PNMA8B: variants seen among roughly 807,000 people sequenced by gnomAD.
PNMA8B encodes the protein PNMA family member 8B.
For missense variants in PNMA8B, 887 were observed against 885.8 expected (o/e 1.00, Z -0.02); for synonymous variants, 386 against 394.9 (o/e 0.98, Z 0.27).
At position 46,495,647 on chromosome 19, in the gene PNMA8B, G is replaced by T; in HGVS notation, c.-182C>A. 1.4e-6 allele frequency: 1 copy of T among 729,320 alleles called. No individual in the cohort carries two copies. The highest frequency in any genetic ancestry group is 2.1e-5 in the South Asian group (1 of 47,414). 45.2% of individuals were successfully genotyped at this position (729,320 alleles called of 1,614,324 possible). On this transcript the variant is annotated 5_prime_UTR_variant, in exon 1 of 1. Transcript: ENST00000599531. ...CGGGGGCTCTAGCTGCCTGCTGGCC[G>T]GCTGGACGCAGTGACCTTCCCCCGG... is the stretch of plus-strand genomic sequence containing the variant.
At position 46,495,595 on chromosome 19, in the gene PNMA8B, G is replaced by A; in HGVS notation, c.-130C>T. 7.9e-7 allele frequency: 1 copy of A among 1,270,232 alleles called. No homozygotes were observed. The allele number at this position is 1,270,232 out of a possible 1,614,324, so 78.7% of individuals were successfully genotyped here. A position where few individuals can be genotyped will look rare whatever the true frequency, so the allele number is the denominator to read the frequency against. ...TTAGAGTCCCGGTTCCGGTGAATGT[G>A]GCAAGGCTGGAGTGGGGCTCGGGGC... On this transcript the variant is annotated 5_prime_UTR_variant, in exon 1 of 1. Transcript: ENST00000599531.
In PNMA8B at chr19:46,494,014, C is replaced by G; in HGVS notation, c.1452G>C (p.Leu484=). The G allele has an allele frequency of 1.2e-6, 2 of 1,613,702 alleles. No homozygotes were observed. Among genetic ancestry groups the G allele is most frequent in the Non-Finnish European group, 1.7e-6 (2 of 1,179,860 alleles). ...CGGCCAGGAGCGCCAATACCTCCCC[C>G]AGTTTGCCTTTGGGGTATTTGTACT... The part of the protein sequence containing the change: ...GGKYKYPKGK[L]GEVLALLAAR... Residue 484 remains leucine, a synonymous_variant, in exon 1 of 1, where the codon CTG becomes CTC. Transcript: ENST00000599531.
chr19:46,493,928 TC>T lies in PNMA8B; in HGVS notation c.1537del (p.Glu513ArgfsTer33). ...CTCGCTCTCGGTGTCCTCCGACTCC[TC>T]CTCGGACTGTTCGTCCGAAGCCTCC... ...SEEASDEQSE[E>X]ESEDTESEAS... On this transcript the variant is annotated frameshift_variant, in exon 1 of 1. Transcript: ENST00000599531. LOFTEE classifies it low-confidence loss of function (END_TRUNC). The surrounding 1 kb of genome is among the most constrained non-coding windows in gnomAD (Gnocchi z 5.3). 6.2e-7 allele frequency: 1 copy of T among 1,606,122 alleles called. No homozygotes were observed. The highest frequency in any genetic ancestry group is 8.5e-7 in the Non-Finnish European group (1 of 1,176,576).
In PNMA8B at chr19:46,494,088, T is replaced by G; in HGVS notation, c.1378A>C (p.Met460Leu). 1 of 1,609,510 alleles carries G rather than the reference T, an allele frequency of 6.2e-7. No homozygotes were observed. Among genetic ancestry groups the G allele is most frequent in the Non-Finnish European group, 8.5e-7 (1 of 1,177,918 alleles). Residue 460 changes from methionine to leucine, a missense_variant, in exon 1 of 1, where the codon ATG (methionine) becomes CTG (leucine). Met to Leu is a conservative substitution (Grantham distance 15). Transcript: ENST00000599531. Reference protein sequence around the residue: ...ELVALLAAQDMAEVMKEEKEN... With the variant: ...ELVALLAAQDLAEVMKEEKEN... Reference sequence around the variant, plus strand: ...TTTTCCTCCTTCATCACCTCCGCCATGTCCTGGGCAGCCAGGAGCGCCACC... The same window carrying G: ...TTTTCCTCCTTCATCACCTCCGCCAGGTCCTGGGCAGCCAGGAGCGCCACC...
At position 46,493,579 on chromosome 19, in the gene PNMA8B, C is replaced by A. The variant is rs1218674074; in HGVS notation, c.1887G>T (p.Arg629Ser). ...GCCACTAGCGGCATTTAGGGGGCAG[C>A]CTCCGGCCCCGACGGGCCTTCTTCC... ...ARGKKARRGR[R>S]LPPKCR The change falls in exon 1 of 1, where the codon AGG becomes AGT. Residue 629 changes from arginine (R) to serine (S), a missense_variant. Arg to Ser is a moderately radical substitution (Grantham distance 110, BLOSUM62 -1). Transcript: ENST00000599531. The surrounding 1 kb of genome is among the most constrained non-coding windows in gnomAD (Gnocchi z 5.3). The A allele has an allele frequency of 2.8e-6, 4 of 1,453,716 alleles. No homozygotes were observed. The highest frequency in any genetic ancestry group is 3.0e-5 in the African/African-American group (2 of 67,506). 90.1% of individuals were successfully genotyped at this position (1,453,716 alleles called of 1,614,324 possible).
In PNMA8B at chr19:46,494,127, C is replaced by G. The variant is rs370754573; in HGVS notation, c.1339G>C (p.Gly447Arg). ...AGGAGCGCCACCAGCTCCAGAAGAC[C>G]CCCTTCGTCCTCACGGTGCTCGCTC... is the stretch of plus-strand genomic sequence containing the variant. Reference protein sequence around the residue: ...GWSEHREDEGGLLELVALLAA... With the variant: ...GWSEHREDEGRLLELVALLAA... Residue 447 changes from glycine to arginine, a missense_variant, in exon 1 of 1, where the codon GGT becomes CGT. Gly to Arg is a moderately radical substitution (Grantham distance 125, BLOSUM62 -2). Transcript: ENST00000599531. The G allele has an allele frequency of 5.4e-5, 87 of 1,611,556 alleles. No individual in the cohort carries two copies. The highest frequency in any genetic ancestry group is 7.1e-5 in the Non-Finnish European group (84 of 1,179,824).
In PNMA8B at chr19:46,494,211, C is replaced by T; in HGVS notation, c.1255G>A (p.Ala419Thr). Reference sequence around the variant, plus strand: ...GCCTGGGGAGGGAGATCCGGCTGCGCCAAGGTGGAAATGCACTCCCGGAGG... The same window carrying T: ...GCCTGGGGAGGGAGATCCGGCTGCGTCAAGGTGGAAATGCACTCCCGGAGG... ...GDLRECISTL[A>T]QPDLPPQAKK... The change falls in exon 1 of 1, where the codon GCG becomes ACG. Residue 419 changes from alanine (A) to threonine (T), a missense_variant. By Grantham distance (58) the Ala-to-Thr change is moderately conservative. Coordinates refer to ENST00000599531, the MANE Select transcript of PNMA8B (RefSeq NM_020709.3). 1.2e-6 allele frequency: 2 copies of T among 1,609,262 alleles called. No individual in the cohort carries two copies. The highest frequency in any genetic ancestry group is 8.5e-7 in the Non-Finnish European group (1 of 1,179,802).
At position 46,494,017 on chromosome 19, in the gene PNMA8B, T is replaced by G. The variant is rs1487090729; in HGVS notation, c.1449A>C (p.Lys483Asn). 1 of 1,613,254 alleles carries G rather than the reference T, an allele frequency of 6.2e-7. No homozygotes were observed. Among genetic ancestry groups the G allele is most frequent in the East Asian group, 2.2e-5 (1 of 44,848 alleles). Residue 483 changes from lysine (K) to asparagine (N), a missense_variant, in exon 1 of 1, where the codon AAA (lysine) becomes AAC (asparagine). Transcript: ENST00000599531. The part of the protein sequence containing the change: ...EGGKYKYPKG[K>N]LGEVLALLAA... ...CCAGGAGCGCCAATACCTCCCCCAG[T>G]TTGCCTTTGGGGTATTTGTACTTCC...
In PNMA8B at chr19:46,493,702, T is replaced by G; in HGVS notation, c.1764A>C (p.Ala588=). The G allele has an allele frequency of 1.3e-6, 2 of 1,535,172 alleles. No homozygotes were observed. The highest frequency in any genetic ancestry group is 1.4e-5 in the African/African-American group (1 of 70,642). Reference sequence around the variant, plus strand: ...CGCTCCCCTTCTTCTTCCTGCTTCCTGCGGCGTCGTCCTGGGCCGAGCCCC... The same window carrying G: ...CGCTCCCCTTCTTCTTCCTGCTTCCGGCGGCGTCGTCCTGGGCCGAGCCCC... ...GSRGSAQDDA[A]GSRKKKGSAG... The change falls in exon 1 of 1, where the codon GCA becomes GCC. Residue 588 remains alanine (A), a synonymous_variant. Transcript: ENST00000599531. This position sits in a 1 kb window ranked among gnomAD's most constrained non-coding sequence, Gnocchi z 5.3.
rs940193641 is a variant in PNMA8B, at chr19:46,494,224, G to A, written c.1242C>T (p.Cys414=). 1.2e-6 allele frequency: 2 copies of A among 1,609,150 alleles called. No homozygotes were observed. The highest frequency in any genetic ancestry group is 1.7e-5 in the Admixed American group (1 of 59,968). The change falls in exon 1 of 1, where the codon TGC becomes TGT. Residue 414 remains cysteine, a synonymous_variant. Coordinates refer to ENST00000599531, the MANE Select transcript of PNMA8B (RefSeq NM_020709.3). ...KAGDDGDLRE[C]ISTLAQPDLP... is the part of the protein sequence containing the mutation. ...GATCCGGCTGCGCCAAGGTGGAAATGCACTCCCGGAGGTCCCCGTCATCCC... is the reference window on the plus strand; with the variant it reads ...GATCCGGCTGCGCCAAGGTGGAAATACACTCCCGGAGGTCCCCGTCATCCC...
In PNMA8B at chr19:46,495,127, G is replaced by A. The variant is rs1471611523; in HGVS notation, c.339C>T (p.Asp113=). The A allele has an allele frequency of 5.0e-6, 8 of 1,613,758 alleles. No homozygotes were observed. Among genetic ancestry groups the A allele is most frequent in the Non-Finnish European group, 6.8e-6 (8 of 1,179,836 alleles). The stretch of plus-strand genomic sequence containing the variant: ...CAGCCTCCGCGGCCTGCGTGGGCCC[G>A]TCATCCAGCAGCAGGCGTCTCATCT... The part of the protein sequence containing the change: ...LRQMRRLLLD[D]GPTQAAEAGT... The change falls in exon 1 of 1, where the codon GAC becomes GAT. Residue 113 remains aspartate (D), a synonymous_variant. Coordinates refer to ENST00000599531, the MANE Select transcript of PNMA8B (RefSeq NM_020709.3).
chr19:46,493,709 T>G lies in PNMA8B; in HGVS notation c.1757A>C (p.Asp586Ala), dbSNP rs775582966. The G allele has an allele frequency of 5.7e-5, 88 of 1,534,722 alleles. No individual in the cohort carries two copies. The African/African-American group carries it at 1.0e-3, about 18-fold the overall frequency. ...CTTCTTCTTCCTGCTTCCTGCGGCG[T>G]CGTCCTGGGCCGAGCCCCGGCTCCC... ...KAGSRGSAQD[D>A]AAGSRKKKGS... Residue 586 changes from aspartate to alanine, a missense_variant, in exon 1 of 1, where the codon GAC (aspartate) becomes GCC (alanine). Asp to Ala is a moderately radical substitution (Grantham distance 126). Transcript: ENST00000599531. This position sits in a 1 kb window ranked among gnomAD's most constrained non-coding sequence, Gnocchi z 5.3.
rs1970034213 is a variant in PNMA8B at position 46,493,433 on chromosome 19, C to T, written c.*125G>A. The T allele has an allele frequency of 3.3e-6, 2 of 601,474 alleles. No individual in the cohort carries two copies. The highest frequency in any genetic ancestry group is 4.8e-6 in the Non-Finnish European group (2 of 416,302). 37.3% of individuals were successfully genotyped at this position (601,474 alleles called of 1,614,324 possible). A position where few individuals can be genotyped will look rare whatever the true frequency, so the allele number is the denominator to read the frequency against. ...TGACGCTGGCAAAACGCGGCCCGGGCGCGCTGTGAAGCGAGGAGATTGCGT... is the reference window on the plus strand; with the variant it reads ...TGACGCTGGCAAAACGCGGCCCGGGTGCGCTGTGAAGCGAGGAGATTGCGT... On this transcript the variant is annotated 3_prime_UTR_variant, in exon 1 of 1. Transcript: ENST00000599531. The surrounding 1 kb of genome is among the most constrained non-coding windows in gnomAD (Gnocchi z 5.3).
rs68104866 is a variant in PNMA8B, at chr19:46,492,530, C to T, written c.*1028G>A. ...CCGGCTTCTGCACTGCCCAGGTGAG[C>T]CTCTGTCCCTCACAGTGCCCTTCGG... On this transcript the variant is annotated 3_prime_UTR_variant, in exon 1 of 1. Transcript: ENST00000599531. 52,610 of 154,886 alleles carry T rather than the reference C, an allele frequency of 0.34. 10,204 individuals carry two copies. The highest frequency in any genetic ancestry group is 0.5 in the Middle Eastern group (150 of 302). 9.6% of individuals were successfully genotyped at this position (154,886 alleles called of 1,614,324 possible).
In PNMA8B at chr19:46,495,009, C is replaced by A; in HGVS notation, c.457G>T (p.Ala153Ser). 1 of 1,609,044 alleles carries A rather than the reference C, an allele frequency of 6.2e-7. No homozygotes were observed. The highest frequency in any genetic ancestry group is 8.5e-7 in the Non-Finnish European group (1 of 1,179,830). The change falls in exon 1 of 1, where the codon GCA (alanine) becomes TCA (serine). Residue 153 changes from alanine (A) to serine (S), a missense_variant. Physicochemically the swap from Ala to Ser is moderately conservative, Grantham distance 99. Coordinates refer to ENST00000599531, the MANE Select transcript of PNMA8B (RefSeq NM_020709.3). ...VTGQAGSLLG[A>S]ARNPRRGRRG... ...CGGCCCCTCCTTGGGTTCCTGGCTG[C>A]CCCAAGAAGCGAGCCAGCCTGCCCT...
In PNMA8B at chr19:46,494,049, C is replaced by G. The variant is rs776390928; in HGVS notation, c.1417G>C (p.Glu473Gln). ...TTGGGGTATTTGTACTTCCCGCCTT[C>G]CCAGGCGTTTTCTTTTTCCTCCTTC... ...VMKEEKENAW[E>Q]GGKYKYPKGK... Residue 473 changes from glutamate (E) to glutamine (Q), a missense_variant, in exon 1 of 1, where the codon GAA becomes CAA. Physicochemically the swap from Glu to Gln is conservative, Grantham distance 29. Transcript: ENST00000599531. The G allele has an allele frequency of 1.5e-5, 25 of 1,613,620 alleles. No homozygotes were observed. The highest frequency in any genetic ancestry group is 1.9e-5 in the Non-Finnish European group (23 of 1,179,894).
At position 46,495,435 on chromosome 19, in the gene PNMA8B, G is replaced by C. The variant is rs765428218; in HGVS notation, c.31C>G (p.Arg11Gly). 6.4e-7 allele frequency: 1 copy of C among 1,563,412 alleles called. No homozygotes were observed. The part of the protein sequence containing the change: MAMSLLQDWC[R>G]SLDVDAHRAL... ...CTGTGCGCGTCCACGTCCAGGCTCC[G>C]GCACCAGTCCTGCAAAAGGCTCATG... Residue 11 changes from arginine to glycine, a missense_variant, in exon 1 of 1, where the codon CGG becomes GGG. By Grantham distance (125) the Arg-to-Gly change is moderately radical (BLOSUM62 -2). Coordinates refer to ENST00000599531, the MANE Select transcript of PNMA8B (RefSeq NM_020709.3).
chr19:46,495,311 C>G lies in PNMA8B; in HGVS notation c.155G>C (p.Arg52Pro). The change falls in exon 1 of 1, where the codon CGA (arginine) becomes CCA (proline). Residue 52 changes from arginine (R) to proline (P), a missense_variant. By Grantham distance (103) the Arg-to-Pro change is moderately radical. Coordinates refer to ENST00000599531, the MANE Select transcript of PNMA8B (RefSeq NM_020709.3). The part of the protein sequence containing the change: ...TLLPLGTFRL[R>P]HMKALMNEKA... Reference sequence around the variant, plus strand: ...CTCGTTCATCAAAGCCTTCATGTGTCGCAACCTGAACGTGCCCAGGGGCAG... The same window carrying G: ...CTCGTTCATCAAAGCCTTCATGTGTGGCAACCTGAACGTGCCCAGGGGCAG... 2.2e-6 allele frequency: 3 copies of G among 1,362,410 alleles called. No individual in the cohort carries two copies. Among genetic ancestry groups the G allele is most frequent in the Non-Finnish European group, 3.2e-6 (3 of 950,076 alleles). The allele number at this position is 1,362,410 out of a possible 1,614,324, so 84.4% of individuals were successfully genotyped here.
Position 46,494,448 on chromosome 19 carries a change from C to A in PNMA8B, c.1018G>T (p.Asp340Tyr), listed in dbSNP as rs773542803. 1.9e-6 allele frequency: 3 copies of A among 1,613,980 alleles called. No homozygotes were observed. Among genetic ancestry groups the A allele is most frequent in the Non-Finnish European group, 2.5e-6 (3 of 1,179,904 alleles). Reference sequence around the variant, plus strand: ...TCCCGGGCCCAGGGGTCCGACGGGTCGGTATAGGCCACAATGGCCACGAAC... The same window carrying A: ...TCCCGGGCCCAGGGGTCCGACGGGTAGGTATAGGCCACAATGGCCACGAAC... ...PEFVAIVAYTDPSDPWAREEM... is the reference protein window; with the variant it reads ...PEFVAIVAYTYPSDPWAREEM... Residue 340 changes from aspartate to tyrosine, a missense_variant, in exon 1 of 1, where the codon GAC becomes TAC. Transcript: ENST00000599531.
Sources: gnomAD v4.1 joint callset for allele counts on GRCh38, gnomAD v4.1.1 for gene constraint, Gnocchi (gnomAD v3.1) non-coding constraint, MANE v1.5 for transcripts, NCBI Gene and HGNC (gene_info 2026-07-23, HGNC 2026-07-21) for gene names.